Variants in PKHD1 observed in about 807,000 individuals in gnomAD.
PKHD1 encodes PKHD1 ciliary IPT domain containing fibrocystin/polyductin.
A neutral mutation model predicts 412.0 loss-of-function variants in PKHD1; 291 were observed. That is an observed-to-expected ratio of 0.71 (90% CI 0.64 to 0.78). PKHD1 has a LOEUF of 0.78. Among genes scored for constraint, PKHD1 ranks in the 30% least tolerant of loss-of-function variants. The pLI, the probability that PKHD1 is intolerant of heterozygous loss-of-function variation, is 0.00. For synonymous variants in PKHD1, 1,777 were observed against 1,821.5 expected (o/e 0.98, Z 0.62); for missense variants, 4,825 against 4,950.7 (o/e 0.97, Z 0.76).
At chr6:51,630,491 T>C (rs917552202) in intron 65 of PKHD1, among the ~76,000 whole-genome samples, 10 of 152,210 alleles carry the variant, frequency 6.6e-5, no homozygotes, top group African/African-American at 2.4e-4. Context: ...CATGTATTAT[T>C]TTAAAATAAG....
At chr6:52,050,404 A>G in intron 21 of PKHD1, 109 bp from the exon 22 acceptor site, 1 of 1,070,884 alleles carries the variant, frequency 9.3e-7, no homozygotes, top group South Asian at 1.3e-5. Flanking sequence ...ACACACCTAA[A>G]GCATAGATTC....
At chr6:51,661,602 A>G (rs1239473879) in intron 60 of PKHD1, among the ~76,000 whole-genome samples, 6 of 152,194 alleles carry the variant, frequency 3.9e-5, no homozygotes, top group African/African-American at 1.2e-4. Flanking sequence ...TAAAGAGTCC[A>G]AGTTGAGGAT....
intron 36 of PKHD1, among the ~76,000 whole-genome samples, chr6:51,955,207 T>TA (rs201790565): frequency 0.01 from 1,469 of 144,566 alleles, 17 homozygotes; most frequent in African/African-American, 0.029. Context: ...ATTTTTTTTT[T>TA]AAAAAAGGGA....
At chr6:51,845,055 G>A (rs1770911838) in intron 50 of PKHD1, among the ~76,000 whole-genome samples, 1 of 152,158 alleles carries the variant, frequency 6.6e-6, no homozygotes, top group African/African-American at 2.4e-5. Flanking sequence ...ACAGTTAAGT[G>A]AAAGTTACAA....
chr6:51,773,678 A>G (rs1204476760), intron 54 of PKHD1, among the ~76,000 whole-genome samples: 2 of 151,820 alleles, frequency 1.3e-5, no homozygotes, highest in Non-Finnish European at 2.9e-5. Context: ...ATTGCAAGTC[A>G]TTAATCTAAA....
chr6:51,882,193 C>T (rs1203774788), intron 46 of PKHD1, among the ~76,000 whole-genome samples: 2 of 152,066 alleles, frequency 1.3e-5, no homozygotes, highest in Non-Finnish European at 1.5e-5. Context: ...ACCATCCTCT[C>T]TTGAAAACTA....
At chr6:51,850,845 G>T (rs1225393925) in intron 49 of PKHD1, among the ~76,000 whole-genome samples, 1 of 152,142 alleles carries the variant, frequency 6.6e-6, no homozygotes, top group African/African-American at 2.4e-5. Flanking sequence ...TCTGCAAAGA[G>T]AGACAACTTG....
At chr6:51,811,247 T>G (rs116647504) in intron 52 of PKHD1, among the ~76,000 whole-genome samples, 2,641 of 152,274 alleles carry the variant, frequency 0.017, 69 homozygotes, top group African/African-American at 0.061. Flanking sequence ...ATGAATTCAC[T>G]TTAAGATCAA....
intron 34 of PKHD1, among the ~76,000 whole-genome samples, chr6:52,014,976 A>G (rs1436643403): frequency 6.6e-6 from 1 of 152,192 alleles, no homozygotes; most frequent in Non-Finnish European, 1.5e-5. Context: ...GAAAATAAAT[A>G]TGGTCAGTAC....
At chr6:51,730,140 A>G (rs1214255206) in intron 60 of PKHD1, among the ~76,000 whole-genome samples, 1 of 152,152 alleles carries the variant, frequency 6.6e-6, no homozygotes, top group Non-Finnish European at 1.5e-5. Flanking sequence ...ACATTGATGA[A>G]ATTAGCCCTT....
At chr6:51,638,445 TA>T (rs1768874622) in intron 64 of PKHD1, among the ~76,000 whole-genome samples, 1 of 152,026 alleles carries the variant, frequency 6.6e-6, no homozygotes, top group Admixed American at 6.6e-5. Context: ...TGTTGATGGG[TA>T]TTGTCCCCAT....
At chr6:51,680,294 C>T (rs1507912) in intron 60 of PKHD1, among the ~76,000 whole-genome samples, 28,359 of 151,772 alleles carry the variant, frequency 0.19, 3,370 homozygotes, top group African/African-American at 0.34. Flanking sequence ...TAAACCATTA[C>T]GATTAATTTC....
chr6:51,856,508 T>C (rs1210288595), intron 48 of PKHD1, among the ~76,000 whole-genome samples: 2 of 152,242 alleles, frequency 1.3e-5, no homozygotes, highest in African/African-American at 2.4e-5. Flanking sequence ...ATGGCCAGAA[T>C]TTTGCCTTGG....
chr6:51,975,352 A>G (rs1794232987), intron 35 of PKHD1, among the ~76,000 whole-genome samples: 1 of 152,084 alleles, frequency 6.6e-6, no homozygotes, highest in South Asian at 2.1e-4. Context: ...AGAGGGAAAA[A>G]GCAACCCAGG....
chr6:51,868,214 A>G, intron 47 of PKHD1, 105 bp from the exon 48 acceptor site: 1 of 1,043,282 alleles, frequency 9.6e-7, no homozygotes, highest in Non-Finnish European at 1.5e-6. Context: ...ATCTAGTTTT[A>G]CAATTCACCT....
intron 33 of PKHD1, 140 bp downstream of exon 33, chr6:52,022,661 G>C (rs1013253027): frequency 1.3e-6 from 1 of 796,852 alleles, no homozygotes; most frequent in Non-Finnish European, 2.1e-6. Context: ...TTTTAGATGA[G>C]GAGTAGAGAA....
Position 51,938,832 on chromosome 6 carries a change from G to A in PKHD1, c.5909-4510C>T, listed in dbSNP as rs1368548002. ...ATCTCACCAATTTTAAATCCGGTAA[G>A]CAGCCTCTTTTTACTCTCTTCTCCA... On this transcript the variant is annotated intron_variant, in intron 36 of 66. Transcript: ENST00000371117. Among the ~76,000 whole-genome samples the A allele has an allele frequency of 2.6e-5, 4 of 151,606 alleles. 1 individual carries two copies.
chr6:52,061,793 A>G (rs995779813), intron 14 of PKHD1, among the ~76,000 whole-genome samples: 1 of 152,126 alleles, frequency 6.6e-6, no homozygotes, highest in African/African-American at 2.4e-5. Flanking sequence ...AGGATTTCAA[A>G]GGGAAAAGAG....
At position 51,895,786 on chromosome 6, in the gene PKHD1, G is replaced by A. The variant is rs541370602; in HGVS notation, c.6996+7811C>T. 4.6e-5 allele frequency among the ~76,000 whole-genome samples: 7 copies of A among 152,188 alleles called. No individual in the cohort carries two copies. The South Asian group carries it at 1.5e-3, about 32-fold the overall frequency. ...TCATCTCACTAGGGAGTGCCAGACA[G>A]TGGGCGCAGGTCAGTGGGTGCGCCC... On this transcript the variant is annotated intron_variant, in intron 43 of 66. Coordinates refer to ENST00000371117, the MANE Select transcript of PKHD1 (RefSeq NM_138694.4).
Sources: gnomAD v4.1 joint callset for allele counts (sites outside exome capture counted in the v4.1 genomes callset) on GRCh38, gnomAD v4.1.1 for gene constraint, MANE v1.5 for transcripts, NCBI Gene and HGNC (gene_info 2026-07-23, HGNC 2026-07-21) for gene names.